The following LSAMP variants were observed in gnomAD, a reference collection of about 807,000 sequenced individuals.
The protein encoded by LSAMP is limbic system associated membrane protein, also known as limbic system-associated membrane protein.
Under a neutral mutation model 38.6 loss-of-function variants are expected in LSAMP, and 7 were observed. That is an observed-to-expected ratio of 0.18 (90% CI 0.10 to 0.34). The LOEUF is 0.34. Among genes scored for constraint, LSAMP ranks in the 10% least tolerant of loss-of-function variants. LSAMP has a pLI of 1.00. For synonymous variants in LSAMP, 154 were observed against 166.8 expected (o/e 0.92, Z 0.59); for missense variants, 313 against 420.0 (o/e 0.75, Z 2.23).
intron 3 of LSAMP, among the ~76,000 whole-genome samples, chr3:115,916,608 T>A (rs2107515060): frequency 6.6e-6 from 1 of 152,360 alleles, no homozygotes; most frequent in South Asian, 2.1e-4. Context: ...ATCCATTCTT[T>A]CATTCATTTT....
chr3:115,870,651 C>T (rs1004892818), intron 3 of LSAMP, among the ~76,000 whole-genome samples: 7 of 152,172 alleles, frequency 4.6e-5, no homozygotes, highest in African/African-American at 1.7e-4. Flanking sequence ...AAAAGCTTCA[C>T]CAAGGTGGCC....
intron 1 of LSAMP, among the ~76,000 whole-genome samples, chr3:116,230,664 A>G (rs1169930277): frequency 6.6e-6 from 1 of 152,148 alleles, no homozygotes; most frequent in Non-Finnish European, 1.5e-5. Flanking sequence ...TTTGTGACTA[A>G]GCCTTTTCCA....
chr3:116,194,568 C>T (rs1576424041), intron 1 of LSAMP, among the ~76,000 whole-genome samples: 2 of 152,020 alleles, frequency 1.3e-5, no homozygotes, highest in African/African-American at 2.4e-5. Context: ...CTAATTTTTT[C>T]GTGTTTTTTA....
rs79165960 is a variant in LSAMP at position 116,311,035 on chromosome 3, C to T, written c.155+133842G>A. Among the ~76,000 whole-genome samples, 677 of 151,534 alleles carry T rather than the reference C, an allele frequency of 4.5e-3. 21 individuals carry two copies. In the East Asian group the frequency reaches 0.074, roughly 17 times the overall value. ...AGAGAAGTTTGTCAATTTAACGGCA[C>T]ATTGAAATAACAAGATCTATTCAAA... On this transcript the variant is annotated intron_variant, in intron 1 of 6. Transcript: ENST00000490035.
chr3:115,854,815 T>G (rs181046845), intron 3 of LSAMP, among the ~76,000 whole-genome samples: 1 of 152,312 alleles, frequency 6.6e-6, no homozygotes, highest in East Asian at 1.9e-4. Flanking sequence ...TAATGGCAAC[T>G]TTGACAATTA....
intron 1 of LSAMP, among the ~76,000 whole-genome samples, chr3:116,193,513 C>T (rs948553160): frequency 2.6e-5 from 4 of 152,158 alleles, no homozygotes; most frequent in African/African-American, 9.7e-5. Context: ...ATCTGAAAGA[C>T]TTGGTGAGCC....
At chr3:116,303,119 T>C (rs1359817204) in intron 1 of LSAMP, among the ~76,000 whole-genome samples, 2 of 152,208 alleles carry the variant, frequency 1.3e-5, no homozygotes, top group Admixed American at 1.3e-4. Flanking sequence ...AAGAGAGGGC[T>C]TCTCAATCTC....
At chr3:116,038,003 A>G (rs977871569) in intron 2 of LSAMP, among the ~76,000 whole-genome samples, 3 of 152,112 alleles carry the variant, frequency 2.0e-5, no homozygotes, top group Admixed American at 6.6e-5. Context: ...CTAGAATAAA[A>G]GATATGAGTG....
intron 3 of LSAMP, among the ~76,000 whole-genome samples, chr3:115,986,703 G>C (rs531107176): frequency 2.6e-5 from 4 of 152,070 alleles, no homozygotes; most frequent in East Asian, 2.0e-4. Flanking sequence ...AAAAAAAGAG[G>C]GGGGTGGGGG....
intron 3 of LSAMP, among the ~76,000 whole-genome samples, chr3:115,959,324 T>C (rs1247788867): frequency 6.6e-6 from 1 of 151,968 alleles, no homozygotes; most frequent in East Asian, 1.9e-4. Flanking sequence ...TTAGGCATGA[T>C]TTAGGGTGGT....
chr3:116,009,335 A>G (rs189568530), intron 3 of LSAMP, among the ~76,000 whole-genome samples: 28 of 152,240 alleles, frequency 1.8e-4, no homozygotes, highest in Admixed American at 7.2e-4. Flanking sequence ...AGACCCACTG[A>G]ATCAAAATCC....
chr3:116,005,616 G>A (rs929480941), intron 3 of LSAMP, among the ~76,000 whole-genome samples: 2 of 152,344 alleles, frequency 1.3e-5, no homozygotes, highest in Non-Finnish European at 2.9e-5. Flanking sequence ...TCAGCCTGCT[G>A]TGGAGAGCTT....
chr3:116,219,747 T>C (rs1202752253), intron 1 of LSAMP, among the ~76,000 whole-genome samples: 1 of 152,112 alleles, frequency 6.6e-6, no homozygotes, highest in African/African-American at 2.4e-5. Context: ...CCAAAATATA[T>C]AAGAAACTAA....
At chr3:116,079,576 C>T (rs2107405934) in intron 2 of LSAMP, among the ~76,000 whole-genome samples, 1 of 150,576 alleles carries the variant, frequency 6.6e-6, no homozygotes, top group South Asian at 2.1e-4. Context: ...TCACTGGAAC[C>T]CTGGAGAATC....
chr3:115,817,473 G>A (rs1934068675), intron 6 of LSAMP, among the ~76,000 whole-genome samples: 1 of 152,186 alleles, frequency 6.6e-6, no homozygotes, highest in Admixed American at 6.5e-5. Context: ...TTATAAATAA[G>A]TCTCAGGGTC....
chr3:116,165,115 C>T (rs187990999), intron 1 of LSAMP, among the ~76,000 whole-genome samples: 3 of 152,106 alleles, frequency 2.0e-5, no homozygotes, highest in Non-Finnish European at 2.9e-5. Context: ...CTGAGCAGAC[C>T]GTGCTTCTAG....
intron 3 of LSAMP, among the ~76,000 whole-genome samples, chr3:115,929,239 C>T (rs1252011896): frequency 6.6e-6 from 1 of 151,928 alleles, no homozygotes; most frequent in African/African-American, 2.4e-5. Context: ...AAATAAAACT[C>T]CAAACTAACA....
chr3:116,169,688 C>T (rs1172065659), intron 1 of LSAMP, among the ~76,000 whole-genome samples: 1 of 152,156 alleles, frequency 6.6e-6, no homozygotes, highest in Non-Finnish European at 1.5e-5. Flanking sequence ...CATTTTAAAG[C>T]CACACCCTCC....
At chr3:116,236,982 A>G (rs2107634198) in intron 1 of LSAMP, among the ~76,000 whole-genome samples, 1 of 151,870 alleles carries the variant, frequency 6.6e-6, no homozygotes, top group East Asian at 1.9e-4. Context: ...ATACATATAT[A>G]CACATACATA....
Sources: gnomAD v4.1 joint callset for allele counts (sites outside exome capture counted in the v4.1 genomes callset) on GRCh38, gnomAD v4.1.1 for gene constraint, MANE v1.5 for transcripts, NCBI Gene and HGNC (gene_info 2026-07-23, HGNC 2026-07-21) for gene names.